ZDHHC14: variants seen among roughly 807,000 people sequenced by gnomAD.
ZDHHC14 encodes the protein palmitoyltransferase ZDHHC14.
Under a neutral mutation model 47.7 loss-of-function variants are expected in ZDHHC14, and 16 were observed. The ratio of observed to expected loss-of-function variants is 0.34; its 90% confidence interval spans 0.23 to 0.51. ZDHHC14 has a LOEUF of 0.51. ZDHHC14 is among the 20% of genes least tolerant of loss of function. The pLI, the probability that ZDHHC14 is intolerant of heterozygous loss-of-function variation, is 0.97. For missense variants in ZDHHC14, 515 were observed against 662.5 expected, an observed-to-expected ratio of 0.78 and a Z score of 2.44; for synonymous variants, 293 against 278.9, an observed-to-expected ratio of 1.05 and a Z score of -0.50.
intron 7 of ZDHHC14, among the ~76,000 whole-genome samples, chr6:157,649,703 A>G (rs1727760320): frequency 6.6e-6 from 1 of 152,218 alleles, no homozygotes; most frequent in African/African-American, 2.4e-5. Context: ...TCTGCTTACC[A>G]AGAGTTCAGA....
intron 1 of ZDHHC14, among the ~76,000 whole-genome samples, chr6:157,403,851 C>T (rs989787016): frequency 7.9e-5 from 12 of 152,232 alleles, no homozygotes; most frequent in Non-Finnish European, 1.3e-4. Flanking sequence ...CTCATGGACC[C>T]GCCTGCAGGA....
chr6:157,510,812 G>A (rs1037731464), intron 1 of ZDHHC14, among the ~76,000 whole-genome samples: 2 of 152,208 alleles, frequency 1.3e-5, no homozygotes, highest in Non-Finnish European at 1.5e-5. Context: ...CCAGGCAGGC[G>A]CCCAGGGATG....
At chr6:157,491,061 A>G (rs1779901438) in intron 1 of ZDHHC14, among the ~76,000 whole-genome samples, 3 of 152,170 alleles carry the variant, frequency 2.0e-5, no homozygotes. Context: ...ACTGGCTGGC[A>G]TGGGCAAGGT....
chr6:157,493,432 G>C (rs934510980), intron 1 of ZDHHC14, among the ~76,000 whole-genome samples: 11 of 152,230 alleles, frequency 7.2e-5, no homozygotes, highest in African/African-American at 2.4e-4. Context: ...CACACAGAGG[G>C]AGCCTTCCTC....
intron 1 of ZDHHC14, among the ~76,000 whole-genome samples, chr6:157,490,496 G>A (rs1023968917): frequency 3.9e-5 from 6 of 152,310 alleles, no homozygotes; most frequent in Middle Eastern, 3.4e-3. Flanking sequence ...ACATGAAACC[G>A]TCAACTAATT....
At chr6:157,668,551 T>C (rs1206314050) in intron 8 of ZDHHC14, among the ~76,000 whole-genome samples, 1 of 148,000 alleles carries the variant, frequency 6.8e-6, no homozygotes, top group Non-Finnish European at 1.5e-5. Context: ...AATACAAAAA[T>C]TAGCCAGGCA....
At chr6:157,492,882 C>T (rs943224432) in intron 1 of ZDHHC14, among the ~76,000 whole-genome samples, 17 of 151,970 alleles carry the variant, frequency 1.1e-4, no homozygotes, top group Non-Finnish European at 1.8e-4. Flanking sequence ...CCTGGGAGCA[C>T]AGACCTGGCT....
intron 1 of ZDHHC14, among the ~76,000 whole-genome samples, chr6:157,491,418 G>A (rs183677028): frequency 5.3e-5 from 8 of 152,338 alleles, no homozygotes; most frequent in Admixed American, 5.2e-4. Context: ...TTTGCGTATA[G>A]TGGGCATGCC....
At chr6:157,457,249 T>C (rs1479986076) in intron 1 of ZDHHC14, among the ~76,000 whole-genome samples, 1 of 151,294 alleles carries the variant, frequency 6.6e-6, no homozygotes. Context: ...ACTGAGATTC[T>C]GTGGTTGAGG....
At position 157,381,926 on chromosome 6, in the gene ZDHHC14, G is replaced by T. The variant is rs1777219287; in HGVS notation, c.-96G>T. ...AGGGGCCGCGGCGCCGCGGCTCGGGGGGCGGCCGGGCGGCCGGCGGCGGTC... is the reference window on the plus strand; with the variant it reads ...AGGGGCCGCGGCGCCGCGGCTCGGGTGGCGGCCGGGCGGCCGGCGGCGGTC... On this transcript the variant is annotated 5_prime_UTR_variant, in exon 1 of 9. Transcript: ENST00000359775. 1.0e-6 allele frequency: 1 copy of T among 965,334 alleles called. No homozygotes were observed. Among genetic ancestry groups the T allele is most frequent in the South Asian group, 4.7e-5 (1 of 21,146 alleles). The allele number at this position is 965,334 out of a possible 1,614,324, so 59.8% of individuals were successfully genotyped here. A position where few individuals can be genotyped will look rare whatever the true frequency, so the allele number is the denominator to read the frequency against.
intron 2 of ZDHHC14, among the ~76,000 whole-genome samples, chr6:157,550,043 G>T (rs183049789): frequency 1.1e-4 from 17 of 152,282 alleles, no homozygotes; most frequent in African/African-American, 3.6e-4. Flanking sequence ...TTGTCTTCTT[G>T]GTCCTCTAGA....
chr6:157,504,400 G>A (rs951536916), intron 1 of ZDHHC14, among the ~76,000 whole-genome samples: 21 of 150,522 alleles, frequency 1.4e-4, no homozygotes, highest in African/African-American at 4.2e-4. Flanking sequence ...TGCCTGCCTC[G>A]GCTTCCCAAA....
intron 1 of ZDHHC14, among the ~76,000 whole-genome samples, chr6:157,535,738 T>C (rs892500679): frequency 4.6e-5 from 7 of 152,208 alleles, no homozygotes; most frequent in Non-Finnish European, 7.3e-5. Context: ...AATGTCACTC[T>C]TGGGAGTTTT....
At chr6:157,510,255 A>AAAATAAAT (rs959591505) in intron 1 of ZDHHC14, among the ~76,000 whole-genome samples, 1 of 152,148 alleles carries the variant, frequency 6.6e-6, no homozygotes, top group African/African-American at 2.4e-5. Flanking sequence ...AAAAATAAGT[A>AAAATAAAT]AAATAAATAA....
chr6:157,676,920 T>A lies in ZDHHC14; in HGVS notation c.*3798T>A, dbSNP rs1778979167. 6.6e-6 allele frequency: 1 copy of A among 152,232 alleles called. No homozygotes were observed. Among genetic ancestry groups the A allele is most frequent in the Non-Finnish European group, 1.5e-5 (1 of 68,048 alleles). 9.4% of individuals were successfully genotyped at this position (152,232 alleles called of 1,614,324 possible). ...GGGTTTGCGTTGATATTATAAGGAATCTTCCCAGAAGGAGCTGCCCTTCAT... is the reference window on the plus strand; with the variant it reads ...GGGTTTGCGTTGATATTATAAGGAAACTTCCCAGAAGGAGCTGCCCTTCAT... On this transcript the variant is annotated 3_prime_UTR_variant, in exon 9 of 9. Coordinates refer to ENST00000359775, the MANE Select transcript of ZDHHC14 (RefSeq NM_024630.3).
rs1242090115 is a variant in ZDHHC14, at chr6:157,586,666, G to A, written c.407-6322G>A. Among the ~76,000 whole-genome samples, 1 of 151,910 alleles carries A rather than the reference G, an allele frequency of 6.6e-6. No individual in the cohort carries two copies. Among genetic ancestry groups the A allele is most frequent in the African/African-American group, 2.4e-5 (1 of 41,526 alleles). On this transcript the variant is annotated intron_variant, in intron 2 of 8. Coordinates refer to ENST00000359775, the MANE Select transcript of ZDHHC14 (RefSeq NM_024630.3). This position sits in a 1 kb window ranked among gnomAD's most constrained non-coding sequence, Gnocchi z 4.6. ...AGACAGCCCAGCAGAGCCCTCCCAG[G>A]ACCCCAGCGGCCCTCGGCAACCCCT...
intron 1 of ZDHHC14, among the ~76,000 whole-genome samples, chr6:157,503,050 G>A (rs546168138): frequency 6.6e-6 from 1 of 152,298 alleles, no homozygotes; most frequent in East Asian, 1.9e-4. Context: ...GTAGCAGAAA[G>A]CCAGGTTCAA....
intron 1 of ZDHHC14, among the ~76,000 whole-genome samples, chr6:157,436,636 G>A (rs1418185790): frequency 1.3e-5 from 2 of 152,100 alleles, no homozygotes; most frequent in African/African-American, 4.8e-5. Context: ...GGGCACAGGC[G>A]TCAGAGCCCT....
chr6:157,564,718 T>C (rs1782835639), intron 2 of ZDHHC14, among the ~76,000 whole-genome samples: 1 of 152,212 alleles, frequency 6.6e-6, no homozygotes, highest in Non-Finnish European at 1.5e-5. Flanking sequence ...TAGTCCTTTA[T>C]TAAAGTACCA....
Sources: allele counts gnomAD v4.1 joint callset (sites outside exome capture counted in the v4.1 genomes callset), GRCh38; gene constraint gnomAD v4.1.1; non-coding constraint Gnocchi (gnomAD v3.1); transcripts MANE v1.5; gene names NCBI Gene and HGNC (gene_info 2026-07-23, HGNC 2026-07-21).